ITGB5: variants seen among roughly 807,000 people sequenced by gnomAD.
The protein encoded by ITGB5 is integrin subunit beta 5.
In ITGB5, 38 loss-of-function variants were observed where a neutral mutation model predicts 84.8. The ratio of observed to expected loss-of-function variants is 0.45; its 90% CI spans 0.35 to 0.59. The LOEUF (loss-of-function observed/expected upper bound fraction) is 0.59, where lower values mean the gene tolerates loss of function less well. Ranked by LOEUF, ITGB5 falls within the 20% of genes least tolerant of loss-of-function variation. The pLI is 0.01. For synonymous variants in ITGB5, 393 were observed against 414.4 expected (o/e 0.95, Z 0.63); for missense variants, 905 against 1,034.5 (o/e 0.87, Z 1.72).
At chr3:124,848,593 T>C (rs1040575398) in intron 3 of ITGB5, 35 bp from the exon 4 acceptor site, 6 of 1,589,780 alleles carry the variant, frequency 3.8e-6, no homozygotes, top group Non-Finnish European at 5.1e-6. Flanking sequence ...TGTTAGAGGT[T>C]GTGCAACCTG....
At chr3:124,795,357 C>T (rs559894984) in intron 10 of ITGB5, among the ~76,000 whole-genome samples, 2 of 151,870 alleles carry the variant, frequency 1.3e-5, no homozygotes, top group South Asian at 2.1e-4. Flanking sequence ...AGTGTGGTGG[C>T]GGGCGCCTAT....
At position 124,763,629 on chromosome 3, in the gene ITGB5, C is replaced by A; in HGVS notation, c.2394G>T (p.Val798=). 6.3e-7 allele frequency: 1 copy of A among 1,588,602 alleles called. No homozygotes were observed. Among genetic ancestry groups the A allele is most frequent in the South Asian group, 1.1e-5 (1 of 90,346 alleles). ...NKFNKSYNGT[V]D ...CCCCTCGGAGAAGGAAACATCAGTC[C>A]ACAGTGCCATTGTAGGATTTGTTGA... The change falls in exon 15 of 15, where the codon GTG becomes GTT. Residue 798 remains valine (V), a synonymous_variant. Transcript: ENST00000296181.
chr3:124,776,483 G>C (rs2063928657), intron 10 of ITGB5, among the ~76,000 whole-genome samples: 1 of 152,152 alleles, frequency 6.6e-6, no homozygotes, highest in Non-Finnish European at 1.5e-5. Flanking sequence ...AAAGGATTGT[G>C]CAGTGCACAT....
chr3:124,787,927 A>G (rs1459937430), intron 10 of ITGB5, among the ~76,000 whole-genome samples: 3 of 80,600 alleles, frequency 3.7e-5, no homozygotes, highest in South Asian at 3.9e-4. Flanking sequence ...TTTTTTTTTG[A>G]GATAGGGTCT....
chr3:124,796,250 C>T (rs2064221340), intron 10 of ITGB5, 138 bp downstream of exon 10: 1 of 796,962 alleles, frequency 1.3e-6, no homozygotes, highest in African/African-American at 1.7e-5. Flanking sequence ...GGTAGCAAGG[C>T]TTGCCCACTG....
intron 1 of ITGB5, among the ~76,000 whole-genome samples, chr3:124,879,092 G>A (rs1255097559): frequency 1.3e-5 from 2 of 152,146 alleles, no homozygotes; most frequent in African/African-American, 4.8e-5. Flanking sequence ...CACCGCATCC[G>A]GTTGATCACT....
intron 11 of ITGB5, among the ~76,000 whole-genome samples, chr3:124,772,284 C>T (rs1302035450): frequency 6.6e-6 from 1 of 152,192 alleles, no homozygotes; most frequent in East Asian, 1.9e-4. Context: ...CAATTAAACA[C>T]ATTAAAACCC....
intron 2 of ITGB5, among the ~76,000 whole-genome samples, chr3:124,868,608 T>G (rs1156800826): frequency 1.0e-4 from 12 of 120,598 alleles, no homozygotes; most frequent in African/African-American, 4.1e-4. Context: ...TAGTGAGACC[T>G]GTTCTCTACC....
Position 124,821,437 on chromosome 3 carries a change from A to T in ITGB5, c.818T>A (p.Leu273Gln), listed in dbSNP as rs764231829. The change falls in exon 6 of 15, where the codon CTG becomes CAG. Residue 273 changes from leucine (L) to glutamine (Q), a missense_variant. Around this residue, in one of 3 missense-constraint regions of ITGB5, gnomAD observed 656 missense variants for 734.7 expected, o/e 0.89. Transcript: ENST00000296181. ...GGGCACATCATCTGTTGTGAACACCAGCAAATGCAGTGCATCCTTTCGCCA... is the reference window on the plus strand; with the variant it reads ...GGGCACATCATCTGTTGTGAACACCTGCAAATGCAGTGCATCCTTTCGCCA... ...IGWRKDALHL[L>Q]VFTTDDVPHI... The T allele has an allele frequency of 6.2e-7, 1 of 1,614,248 alleles. No homozygotes were observed. Among genetic ancestry groups the T allele is most frequent in the South Asian group, 1.1e-5 (1 of 91,090 alleles).
chr3:124,828,767 G>A (rs771326297), intron 5 of ITGB5, among the ~76,000 whole-genome samples: 23 of 152,252 alleles, frequency 1.5e-4, no homozygotes, highest in Non-Finnish European at 2.5e-4. Context: ...ACACGCATGC[G>A]CCACCACACT....
Position 124,821,309 on chromosome 3 carries a change from T to A in ITGB5, c.942+4A>T. The A allele has an allele frequency of 6.2e-7, 1 of 1,611,486 alleles. No individual in the cohort carries two copies. The highest frequency in any genetic ancestry group is 1.1e-5 in the South Asian group (1 of 90,548). ...GGAGGGGGGATCTGGTTCCCGGCAC[T>A]CACCATCTGGTTGGATGCAGTGTAC... On this transcript the variant is annotated splice_donor_region_variant and intron_variant, in intron 6 of 14. Transcript: ENST00000296181.
rs1341815719 is a variant in ITGB5, at chr3:124,859,214, C to A, written c.361+28G>T. ...CCCATGGGCCTTCCTGATCCCAGAG[C>A]ATCCAGCCCTTTCTGTGGGCAACTC... is the stretch of plus-strand genomic sequence containing the variant. On this transcript the variant is annotated intron_variant, in intron 3 of 14. Coordinates refer to ENST00000296181, the MANE Select transcript of ITGB5 (RefSeq NM_002213.5). 1.9e-6 allele frequency: 3 copies of A among 1,604,072 alleles called. No homozygotes were observed. In the African/African-American group the frequency reaches 4.0e-5, roughly 21 times the overall value.
chr3:124,873,362 T>C, intron 2 of ITGB5, 84 bp downstream of exon 2: 1 of 893,926 alleles, frequency 1.1e-6, no homozygotes, highest in South Asian at 1.3e-5. Flanking sequence ...TATAGTGAAT[T>C]AGTGTGTTGT....
chr3:124,824,116 G>A (rs1399058180), intron 5 of ITGB5, among the ~76,000 whole-genome samples: 1 of 152,122 alleles, frequency 6.6e-6, no homozygotes, highest in Non-Finnish European at 1.5e-5. Context: ...TGTAAGCAAT[G>A]GAAACTAGCA....
At chr3:124,768,504 A>G (rs1425528484) in intron 12 of ITGB5, among the ~76,000 whole-genome samples, 2 of 152,208 alleles carry the variant, frequency 1.3e-5, no homozygotes, top group African/African-American at 4.8e-5. Flanking sequence ...ACAGAACCAT[A>G]TAATACATGG....
rs2064702021 is a variant in ITGB5, at chr3:124,821,402, A to G, written c.853T>C (p.Leu285=). ...ACCAGGCCTCCCAATTTTCCATCCAATGCGATGTGGGGCACATCATCTGTT... is the reference window on the plus strand; with the variant it reads ...ACCAGGCCTCCCAATTTTCCATCCAGTGCGATGTGGGGCACATCATCTGTT... ...FTTDDVPHIA[L]DGKLGGLVQP... Residue 285 remains leucine (L), a synonymous_variant, in exon 6 of 15, where the codon TTG becomes CTG. Coordinates refer to ENST00000296181, the MANE Select transcript of ITGB5 (RefSeq NM_002213.5). 4 of 1,614,070 alleles carry G rather than the reference A, an allele frequency of 2.5e-6. No homozygotes were observed. The highest frequency in any genetic ancestry group is 2.2e-5 in the East Asian group (1 of 44,888).
intron 6 of ITGB5, 56 bp downstream of exon 6, chr3:124,821,257 C>G (rs761092399): frequency 6.4e-7 from 1 of 1,553,470 alleles, no homozygotes; most frequent in African/African-American, 1.4e-5. Context: ...ACTAAGACCA[C>G]GGGCAGGGTC....
intron 2 of ITGB5, among the ~76,000 whole-genome samples, chr3:124,871,767 A>T (rs777216245): frequency 6.6e-6 from 1 of 152,128 alleles, no homozygotes; most frequent in African/African-American, 2.4e-5. Context: ...TGGAGGCTGT[A>T]GTGAGCTATG....
intron 4 of ITGB5, among the ~76,000 whole-genome samples, chr3:124,846,088 C>T (rs2065074039): frequency 6.6e-6 from 1 of 152,114 alleles, no homozygotes; most frequent in African/African-American, 2.4e-5. Flanking sequence ...TCTGTTTTTC[C>T]ACCAGTGTCA....
Sources: allele counts gnomAD v4.1 joint callset (sites outside exome capture counted in the v4.1 genomes callset), GRCh38; gene constraint gnomAD v4.1.1; regional missense constraint gnomAD v4.1.1; transcripts MANE v1.5; gene names NCBI Gene and HGNC (gene_info 2026-07-23, HGNC 2026-07-21).